Variants in DDX60 observed in about 807,000 individuals in gnomAD.
DDX60 encodes the protein probable ATP-dependent RNA helicase DDX60.
Under a neutral mutation model 212.8 loss-of-function variants are expected in DDX60, and 165 were observed. That is an observed-to-expected ratio of 0.78 (90% confidence interval 0.68 to 0.88). The LOEUF (loss-of-function observed/expected upper bound fraction) is 0.88. DDX60 is among the 40% of genes least tolerant of loss of function. The pLI is 0.00. For synonymous variants in DDX60, 703 were observed against 685.3 expected (o/e 1.03, Z -0.40); for missense variants, 1,905 against 2,003.9 (o/e 0.95, Z 0.94).
At chr4:168,269,600 C>CA (rs952245388) in intron 19 of DDX60, among the ~76,000 whole-genome samples, 83 of 140,420 alleles carry the variant, frequency 5.9e-4, no homozygotes, top group East Asian at 1.7e-3. Context: ...GACTCCATCT[C>CA]AAAAAAAAAA....
intron 1 of DDX60, among the ~76,000 whole-genome samples, chr4:168,317,281 G>A (rs72693179): frequency 0.015 from 2,298 of 151,678 alleles, 22 homozygotes; most frequent in Non-Finnish European, 0.023. Flanking sequence ...TCTTACAAAC[G>A]AATAAATTAA....
intron 9 of DDX60, among the ~76,000 whole-genome samples, 174 bp downstream of exon 9, chr4:168,288,000 A>C (rs890827187): frequency 2.0e-5 from 3 of 152,196 alleles, no homozygotes; most frequent in Non-Finnish European, 4.4e-5. Flanking sequence ...AACATATTTT[A>C]AAATACAGCA....
At chr4:168,267,550 C>A in intron 22 of DDX60, 32 bp downstream of exon 22, 1 of 1,184,646 alleles carries the variant, frequency 8.4e-7, no homozygotes, top group South Asian at 1.8e-5. Context: ...TTTTATATTA[C>A]TTAGAACAAA....
In DDX60 at chr4:168,236,514, T is replaced by C; in HGVS notation, c.4412-141A>G. 1.2e-5 allele frequency: 8 copies of C among 692,800 alleles called. No homozygotes were observed. The South Asian group carries it at 1.7e-4, about 15-fold the overall frequency. 42.9% of individuals were successfully genotyped at this position (692,800 alleles called of 1,614,324 possible). A position where few individuals can be genotyped will look rare whatever the true frequency, so the allele number is the denominator to read the frequency against. ...ACATAGCAATTGAAGAATTACCATA[T>C]ATCCGCTAATAGTTTTTATCTGTGC... On this transcript the variant is annotated intron_variant, in intron 32 of 37. Coordinates refer to ENST00000393743, the MANE Select transcript of DDX60 (RefSeq NM_017631.6).
At chr4:168,302,160 TA>T in intron 6 of DDX60, 139 bp downstream of exon 6, 1 of 455,166 alleles carries the variant, frequency 2.2e-6, no homozygotes, top group Non-Finnish European at 4.0e-6. Context: ...CTGGTTTTCA[TA>T]AATGTTCCGT....
chr4:168,296,425 G>T (rs899682778), intron 6 of DDX60, among the ~76,000 whole-genome samples: 9 of 152,020 alleles, frequency 5.9e-5, no homozygotes, highest in African/African-American at 2.2e-4. Context: ...CAATTAAGTG[G>T]CGAAAGAGTA....
At chr4:168,264,252 G>A (rs966822146) in intron 22 of DDX60, among the ~76,000 whole-genome samples, 4 of 152,176 alleles carry the variant, frequency 2.6e-5, no homozygotes, top group African/African-American at 9.7e-5. Context: ...AGTGAGAGCA[G>A]ACAAAATCAA....
At chr4:168,325,364 C>A in the DDX60 span, among the ~76,000 whole-genome samples, 218 of 152,210 alleles carry the variant, frequency 1.4e-3, 1 homozygote, top group African/African-American at 3.9e-3. Context: ...AGGATGCCAA[C>A]AATTTTTATT....
At chr4:168,255,551 C>T (rs1734370057) in intron 26 of DDX60, among the ~76,000 whole-genome samples, 160 bp downstream of exon 26, 1 of 152,174 alleles carries the variant, frequency 6.6e-6, no homozygotes, top group South Asian at 2.1e-4. Flanking sequence ...TATGGTCACT[C>T]ATCTTTATCC....
At chr4:168,235,080 G>C (rs1487904706) in intron 33 of DDX60, among the ~76,000 whole-genome samples, 1 of 152,094 alleles carries the variant, frequency 6.6e-6, no homozygotes, top group African/African-American at 2.4e-5. Context: ...AATGTCTTGA[G>C]GGGGATACAA....
At chr4:168,317,587 G>A (rs1213204651) in intron 1 of DDX60, among the ~76,000 whole-genome samples, 2 of 152,144 alleles carry the variant, frequency 1.3e-5, no homozygotes, top group African/African-American at 4.8e-5. Context: ...AGAAGAGCTG[G>A]TGGGTTAAAA....
chr4:168,217,704 G>C (rs564758412), intron 37 of DDX60, among the ~76,000 whole-genome samples: 1 of 152,256 alleles, frequency 6.6e-6, no homozygotes, highest in East Asian at 1.9e-4. Flanking sequence ...AGTGAGGCAG[G>C]AGAGAGTCAG....
In DDX60 at chr4:168,236,352, T is replaced by C. The variant is rs749903327; in HGVS notation, c.4433A>G (p.Asp1478Gly). The change falls in exon 33 of 38, where the codon GAC (aspartate) becomes GGC (glycine). Residue 1478 changes from aspartate to glycine, a missense_variant. By Grantham distance (94) the Asp-to-Gly change is moderately conservative. Transcript: ENST00000393743. ...TRKGSKHFSQ[D>G]VMEKLVLVLA... ...TACTAATACTAGCTTTTCCATAACG[T>C]CTTGAGAAAAATGTTTTGAGCCTAT... 7 of 1,606,184 alleles carry C rather than the reference T, an allele frequency of 4.4e-6. No homozygotes were observed. The highest frequency in any genetic ancestry group is 5.1e-6 in the Non-Finnish European group (6 of 1,176,616).
chr4:168,230,466 A>T (rs1030923294), intron 33 of DDX60, among the ~76,000 whole-genome samples: 3 of 152,142 alleles, frequency 2.0e-5, no homozygotes, highest in Admixed American at 1.3e-4. Context: ...ATGATAGGCA[A>T]CAAAACAAGC....
At chr4:168,321,958 C>T (rs940440345), upstream of DDX60, among the ~76,000 whole-genome samples, 2 of 152,074 alleles carry the variant, frequency 1.3e-5, no homozygotes, top group Non-Finnish European at 2.9e-5. Context: ...ATGTCATGCC[C>T]GATTTCAGCC....
chr4:168,283,429 G>C lies in DDX60; in HGVS notation c.1722+17C>G. On this transcript the variant is annotated intron_variant, in intron 13 of 37. Coordinates refer to ENST00000393743, the MANE Select transcript of DDX60 (RefSeq NM_017631.6). Reference sequence around the variant, plus strand: ...AAAGGAAAATTTTTTTAATTGGATAGAATTTATAGAACCTACGTGTGCCTT... The same window carrying C: ...AAAGGAAAATTTTTTTAATTGGATACAATTTATAGAACCTACGTGTGCCTT... 1 of 1,607,448 alleles carries C rather than the reference G, an allele frequency of 6.2e-7. No individual in the cohort carries two copies. The highest frequency in any genetic ancestry group is 1.3e-5 in the African/African-American group (1 of 74,484).
intron 30 of DDX60, among the ~76,000 whole-genome samples, chr4:168,243,947 C>T (rs938125659): frequency 5.3e-5 from 8 of 152,092 alleles, no homozygotes; most frequent in Admixed American, 4.6e-4. Context: ...AGATCATGTG[C>T]TTTGTTGGGA....
At chr4:168,325,397 C>G in the DDX60 span, among the ~76,000 whole-genome samples, 1 of 152,058 alleles carries the variant, frequency 6.6e-6, no homozygotes, top group Non-Finnish European at 1.5e-5. Flanking sequence ...AGTTCATTCT[C>G]TATTAATTTT....
chr4:168,255,604 GCGA>G, intron 26 of DDX60, 104 bp downstream of exon 26: 1 of 970,272 alleles, frequency 1.0e-6, no homozygotes. Context: ...ATAAGTCCAA[GCGA>G]CAACTAGAAC....
Sources: allele counts gnomAD v4.1 joint callset (sites outside exome capture counted in the v4.1 genomes callset), GRCh38; gene constraint gnomAD v4.1.1; transcripts MANE v1.5; gene names NCBI Gene and HGNC (gene_info 2026-07-23, HGNC 2026-07-21).